Variants in FHL5 observed in about 807,000 individuals in gnomAD.
The protein encoded by FHL5 is four and a half LIM domains 5.
A neutral mutation model predicts 32.0 loss-of-function variants in FHL5; 33 were observed. The ratio of observed to expected loss-of-function variants is 1.03; its 90% CI spans 0.78 to 1.38. The LOEUF (loss-of-function observed/expected upper bound fraction) is 1.38, where lower values mean the gene tolerates loss of function less well. FHL5 is among the 40% of genes most tolerant of loss of function. FHL5 has a pLI of 0.00. For missense variants in FHL5, 336 were observed against 343.9 expected, an observed-to-expected ratio of 0.98 and a Z score of 0.18; for synonymous variants, 114 against 113.6, an observed-to-expected ratio of 1.00 and a Z score of -0.02.
chr6:96,598,325 C>T (rs1771078125), intron 1 of FHL5, among the ~76,000 whole-genome samples: 1 of 152,220 alleles, frequency 6.6e-6, no homozygotes, highest in African/African-American at 2.4e-5. Context: ...CAGATTTTCA[C>T]ATGTGTTTGT....
chr6:96,565,885 C>T (rs978054587), intron 1 of FHL5, among the ~76,000 whole-genome samples: 1 of 151,916 alleles, frequency 6.6e-6, no homozygotes, highest in South Asian at 2.1e-4. Context: ...TTACTATAGA[C>T]ATGTAACTGT....
chr6:96,614,064 T>C (rs6923212), intron 5 of FHL5, among the ~76,000 whole-genome samples: 23,701 of 152,214 alleles, frequency 0.16, 2,030 homozygotes, highest in Middle Eastern at 0.25. Flanking sequence ...CATATTCCTT[T>C]TGGAACAGTT....
chr6:96,564,986 G>A (rs1412287251), intron 1 of FHL5, among the ~76,000 whole-genome samples: 1 of 152,110 alleles, frequency 6.6e-6, no homozygotes, highest in Non-Finnish European at 1.5e-5. Context: ...GCCAGGCACG[G>A]TGGCTCACTT....
intron 1 of FHL5, among the ~76,000 whole-genome samples, chr6:96,574,223 C>A (rs1450845385): frequency 6.6e-6 from 1 of 152,114 alleles, no homozygotes. Context: ...ACAGAAAGTT[C>A]TTTTCAAATC....
intron 4 of FHL5, 59 bp downstream of exon 4, chr6:96,606,130 T>C: frequency 7.0e-7 from 1 of 1,433,074 alleles, no homozygotes; most frequent in Non-Finnish European, 9.8e-7. Flanking sequence ...TTTAGCTGTA[T>C]CATATATTTA....
chr6:96,584,397 T>C (rs1770753085), intron 1 of FHL5, among the ~76,000 whole-genome samples: 1 of 150,806 alleles, frequency 6.6e-6, no homozygotes, highest in Non-Finnish European at 1.5e-5. Flanking sequence ...ATTTGAGGAA[T>C]AGGGAGACAC....
intron 1 of FHL5, among the ~76,000 whole-genome samples, chr6:96,580,306 C>T (rs1299907415): frequency 1.3e-5 from 2 of 152,232 alleles, no homozygotes; most frequent in East Asian, 3.9e-4. Flanking sequence ...TATACAATGG[C>T]TATTGCTTGG....
At chr6:96,574,644 C>T (rs2127960440) in intron 1 of FHL5, among the ~76,000 whole-genome samples, 1 of 152,198 alleles carries the variant, frequency 6.6e-6, no homozygotes, top group South Asian at 2.1e-4. Context: ...CCCTGCCTTC[C>T]CAGGGTTTGA....
intron 1 of FHL5, among the ~76,000 whole-genome samples, chr6:96,578,986 AG>A (rs1489904354): frequency 6.6e-6 from 1 of 152,188 alleles, no homozygotes; most frequent in Non-Finnish European, 1.5e-5. Flanking sequence ...TGGCTGTATT[AG>A]TACTTTCTTT....
At chr6:96,613,111 C>T (rs977457336) in intron 5 of FHL5, among the ~76,000 whole-genome samples, 1 of 152,092 alleles carries the variant, frequency 6.6e-6, no homozygotes, top group African/African-American at 2.4e-5. Flanking sequence ...TAAATGTTCT[C>T]ACCACACACA....
At chr6:96,581,056 G>A (rs970297203) in intron 1 of FHL5, among the ~76,000 whole-genome samples, 3 of 152,052 alleles carry the variant, frequency 2.0e-5, no homozygotes, top group African/African-American at 7.2e-5. Context: ...CCATATTTTA[G>A]GGAGTATAAA....
intron 1 of FHL5, among the ~76,000 whole-genome samples, chr6:96,589,765 A>ACATTC (rs1423398945): frequency 1.3e-5 from 2 of 152,116 alleles, no homozygotes; most frequent in African/African-American, 4.8e-5. Flanking sequence ...GTTTATAATG[A>ACATTC]CATTCTCTTA....
At chr6:96,590,528 A>T (rs1425734231) in intron 1 of FHL5, among the ~76,000 whole-genome samples, 2 of 151,832 alleles carry the variant, frequency 1.3e-5, no homozygotes, top group Non-Finnish European at 2.9e-5. Context: ...AATTTTTTTG[A>T]TTTTCTCCAC....
chr6:96,591,892 G>A (rs1582469196), intron 1 of FHL5, among the ~76,000 whole-genome samples: 1 of 152,106 alleles, frequency 6.6e-6, no homozygotes, highest in Non-Finnish European at 1.5e-5. Context: ...CCCCTGAGCT[G>A]TAAAACCAGC....
intron 1 of FHL5, among the ~76,000 whole-genome samples, chr6:96,573,801 A>T (rs1770531936): frequency 6.6e-6 from 1 of 151,934 alleles, no homozygotes; most frequent in East Asian, 1.9e-4. Flanking sequence ...GATTACAGGC[A>T]TGAACCACCG....
intron 1 of FHL5, among the ~76,000 whole-genome samples, chr6:96,579,927 G>T (rs1218225567): frequency 3.3e-5 from 5 of 152,174 alleles, no homozygotes; most frequent in African/African-American, 9.7e-5. Context: ...AGAGTCTAAA[G>T]TCTGTAGGGA....
At chr6:96,597,468 C>T (rs925358208) in intron 1 of FHL5, among the ~76,000 whole-genome samples, 4 of 152,102 alleles carry the variant, frequency 2.6e-5, no homozygotes, top group Non-Finnish European at 5.9e-5. Context: ...GTATATCTAT[C>T]TTTAATCCCT....
chr6:96,598,681 A>C (rs912008978), intron 1 of FHL5, among the ~76,000 whole-genome samples: 6 of 152,182 alleles, frequency 3.9e-5, no homozygotes, highest in African/African-American at 1.4e-4. Flanking sequence ...TTTAAATTCT[A>C]ATGTGTACCC....
chr6:96,578,773 C>A (rs562869043), intron 1 of FHL5, among the ~76,000 whole-genome samples: 3 of 151,952 alleles, frequency 2.0e-5, no homozygotes, highest in Non-Finnish European at 4.4e-5. Context: ...ACCTGGGAGG[C>A]GGAAGCTGCA....
Sources: allele counts gnomAD v4.1 joint callset (sites outside exome capture counted in the v4.1 genomes callset), GRCh38; gene constraint gnomAD v4.1.1; transcripts MANE v1.5; gene names NCBI Gene and HGNC (gene_info 2026-07-23, HGNC 2026-07-21).